The following ERBB4 variants were observed in gnomAD, a reference collection of about 807,000 sequenced individuals.
ERBB4 encodes erb-b2 receptor tyrosine kinase 4, also known as receptor tyrosine-protein kinase erbB-4.
In ERBB4, 42 loss-of-function variants were observed where a neutral mutation model predicts 158.0. The observed-to-expected ratio is 0.27, with a 90% CI of 0.21 to 0.34. ERBB4 has a LOEUF of 0.34. Ranked by LOEUF, ERBB4 falls within the 10% of genes least tolerant of loss-of-function variation. The pLI is 1.00. For missense variants in ERBB4, 1,333 were observed against 1,624.1 expected (o/e 0.82, Z 3.08); for synonymous variants, 583 against 558.7 (o/e 1.04, Z -0.61).
At chr2:212,066,015 G>GA (rs35074366) in intron 2 of ERBB4, among the ~76,000 whole-genome samples, 3 of 151,954 alleles carry the variant, frequency 2.0e-5, no homozygotes, top group Non-Finnish European at 4.4e-5. Context: ...TATCATGCCA[G>GA]AAAAAGAATC....
intron 7 of ERBB4, among the ~76,000 whole-genome samples, chr2:211,716,607 C>A (rs925732690): frequency 6.6e-6 from 1 of 150,816 alleles, no homozygotes; most frequent in Non-Finnish European, 1.5e-5. Context: ...ACCCGGGAGG[C>A]GGAGCTTGCA....
chr2:212,105,885 G>A (rs2079212576), intron 2 of ERBB4, among the ~76,000 whole-genome samples: 1 of 152,148 alleles, frequency 6.6e-6, no homozygotes, highest in Non-Finnish European at 1.5e-5. Flanking sequence ...TTTTATAAAG[G>A]AGAGTTTTCT....
In ERBB4 at chr2:211,420,466, G is replaced by A; in HGVS notation, c.3110C>T (p.Ser1037Phe). Reference sequence around the variant, plus strand: ...CCTATTCGAGTCAATTCTTGCTCTGGAAGTATAGATGGGAGGTGGGATGTT... The same window carrying A: ...CCTATTCGAGTCAATTCTTGCTCTGAAAGTATAGATGGGAGGTGGGATGTT... ...AFNIPPPIYT[S>F]RARIDSNRSE... is the part of the protein sequence containing the mutation. The change falls in exon 25 of 28, where the codon TCC (serine) becomes TTC (phenylalanine). Residue 1037 changes from serine (S) to phenylalanine (F), a missense_variant. By Grantham distance (155) the Ser-to-Phe change is radical. Coordinates refer to ENST00000342788, the MANE Select transcript of ERBB4 (RefSeq NM_005235.3). 6.2e-7 allele frequency: 1 copy of A among 1,611,920 alleles called. No homozygotes were observed. The highest frequency in any genetic ancestry group is 1.1e-5 in the South Asian group (1 of 91,026).
chr2:212,187,146 ACAGT>A (rs1256549655), intron 1 of ERBB4, among the ~76,000 whole-genome samples: 2 of 152,134 alleles, frequency 1.3e-5, no homozygotes. Flanking sequence ...GACTCAGATG[ACAGT>A]CAAAGATGAT....
At chr2:211,414,305 C>T (rs1445289086) in intron 25 of ERBB4, among the ~76,000 whole-genome samples, 1 of 151,938 alleles carries the variant, frequency 6.6e-6, no homozygotes, top group African/African-American at 2.4e-5. Context: ...CGAGACCAGC[C>T]TGGCCAACAG....
At chr2:212,373,919 AT>A (rs2090200897) in intron 1 of ERBB4, among the ~76,000 whole-genome samples, 1 of 78,702 alleles carries the variant, frequency 1.3e-5, no homozygotes, top group Non-Finnish European at 2.5e-5. Context: ...ATATATCCAT[AT>A]ATATATATCC....
At chr2:211,695,457 A>AT (rs1040375555) in intron 12 of ERBB4, among the ~76,000 whole-genome samples, 17 of 152,120 alleles carry the variant, frequency 1.1e-4, no homozygotes, top group Non-Finnish European at 2.2e-4. Flanking sequence ...TAAACTTGAT[A>AT]TTTTTTGGAA....
At chr2:211,961,364 GC>G (rs2125175010) in intron 2 of ERBB4, among the ~76,000 whole-genome samples, 1 of 152,206 alleles carries the variant, frequency 6.6e-6, no homozygotes, top group South Asian at 2.1e-4. Flanking sequence ...AGTTTCATAA[GC>G]TCAGAGTTCT....
chr2:212,057,472 T>G (rs1470068334), intron 2 of ERBB4, among the ~76,000 whole-genome samples: 1 of 152,190 alleles, frequency 6.6e-6, no homozygotes, highest in Non-Finnish European at 1.5e-5. Flanking sequence ...ATCAACAGAA[T>G]ATACATACTT....
At chr2:211,459,571 A>G (rs79548107) in intron 20 of ERBB4, among the ~76,000 whole-genome samples, 3 of 152,128 alleles carry the variant, frequency 2.0e-5, no homozygotes, top group Non-Finnish European at 4.4e-5. Flanking sequence ...TATTGCTCAC[A>G]TGGTAGTGAA....
chr2:212,525,375 A>C (rs1037993686), intron 1 of ERBB4, among the ~76,000 whole-genome samples: 2 of 152,036 alleles, frequency 1.3e-5, no homozygotes, highest in Non-Finnish European at 2.9e-5. Flanking sequence ...ATCTGAAAAA[A>C]ATTAACCTTG....
intron 20 of ERBB4, among the ~76,000 whole-genome samples, chr2:211,449,940 T>G (rs886606677): frequency 1.3e-5 from 2 of 152,184 alleles, no homozygotes; most frequent in East Asian, 3.8e-4. Context: ...TAATGAACAC[T>G]CATCTAGCGC....
At chr2:212,064,474 C>G (rs753988320) in intron 2 of ERBB4, among the ~76,000 whole-genome samples, 1 of 152,108 alleles carries the variant, frequency 6.6e-6, no homozygotes, top group Admixed American at 6.6e-5. Context: ...AGATTAAAAA[C>G]AGCCCACCCC....
rs746336887 is a variant in ERBB4, at chr2:211,973,205, C to CTTT, written c.235-25592_235-25590dup. On this transcript the variant is annotated intron_variant, in intron 2 of 27. Transcript: ENST00000342788. ...CCATCACTAATTACTAGAGAAATTCCTTTTTTTCTTTTTTGAAATGGAGTC... is the reference window on the plus strand; with the variant it reads ...CCATCACTAATTACTAGAGAAATTCCTTTTTTTTTTCTTTTTTGAAATGGAGTC... Among the ~76,000 whole-genome samples the CTTT allele has an allele frequency of 3.9e-3, 354 of 91,058 alleles. 1 individual carries two copies. The highest frequency in any genetic ancestry group is 8.6e-3 in the African/African-American group (301 of 34,864). The allele number at this position is 91,058 out of a possible 152,430, so 59.7% of individuals were successfully genotyped here.
At chr2:211,391,173 C>A (rs2062790929) in intron 25 of ERBB4, among the ~76,000 whole-genome samples, 1 of 152,108 alleles carries the variant, frequency 6.6e-6, no homozygotes, top group African/African-American at 2.4e-5. Context: ...TAGTTTGAAA[C>A]CAGCTCTTCT....
At chr2:211,430,005 T>C (rs966267556) in intron 21 of ERBB4, among the ~76,000 whole-genome samples, 1 of 137,370 alleles carries the variant, frequency 7.3e-6, no homozygotes, top group Non-Finnish European at 1.6e-5. Flanking sequence ...CTACTGCAAT[T>C]TGGTAGTAAA....
chr2:211,501,431 T>C (rs1042474214), intron 20 of ERBB4, among the ~76,000 whole-genome samples: 4 of 151,802 alleles, frequency 2.6e-5, no homozygotes, highest in Non-Finnish European at 5.9e-5. Flanking sequence ...ACCCATATTA[T>C]ATGCTTGTAT....
At chr2:212,118,020 C>A (rs1362233404) in intron 2 of ERBB4, among the ~76,000 whole-genome samples, 3 of 152,040 alleles carry the variant, frequency 2.0e-5, no homozygotes, top group African/African-American at 7.2e-5. Context: ...TTTTCTAAAT[C>A]ATGCTATGCA....
chr2:212,338,769 C>T (rs537380665), intron 1 of ERBB4, among the ~76,000 whole-genome samples: 1 of 151,958 alleles, frequency 6.6e-6, no homozygotes, highest in Non-Finnish European at 1.5e-5. Context: ...ATAACTCTTC[C>T]CAATTTTAAT....
Sources: gnomAD v4.1 joint callset for allele counts (sites outside exome capture counted in the v4.1 genomes callset) on GRCh38, gnomAD v4.1.1 for gene constraint, MANE v1.5 for transcripts, NCBI Gene and HGNC (gene_info 2026-07-23, HGNC 2026-07-21) for gene names.